DTNB: variants seen among roughly 807,000 people sequenced by gnomAD.
DTNB encodes the protein dystrobrevin beta, also known as DTN-B.
A neutral mutation model predicts 90.7 loss-of-function variants in DTNB; 63 were observed. The observed-to-expected ratio is 0.69, with a 90% CI of 0.57 to 0.86. The LOEUF is 0.86. Ranked by LOEUF, DTNB falls within the 40% of genes least tolerant of loss-of-function variation. The pLI, the probability that DTNB is intolerant of heterozygous loss-of-function variation, is 0.00. For missense variants in DTNB, 744 were observed against 807.1 expected, an observed-to-expected ratio of 0.92 and a Z score of 0.95; for synonymous variants, 277 against 286.7, an observed-to-expected ratio of 0.97 and a Z score of 0.34.
At chr2:25,398,234 T>A (rs1179268558) in intron 16 of DTNB, among the ~76,000 whole-genome samples, 1 of 152,246 alleles carries the variant, frequency 6.6e-6, no homozygotes, top group Non-Finnish European at 1.5e-5. Flanking sequence ...AATCAGACCC[T>A]CTTCCTGGGA....
chr2:25,403,076 G>C (rs1025609231), intron 16 of DTNB, among the ~76,000 whole-genome samples: 1 of 152,180 alleles, frequency 6.6e-6, no homozygotes, highest in Non-Finnish European at 1.5e-5. Context: ...CTTTCTGTTT[G>C]TTTCTCCCAG....
At chr2:25,585,680 CAACATAGAAATATTTACCCATTGCCTT>C (rs1253865562) in intron 6 of DTNB, among the ~76,000 whole-genome samples, 1 of 152,172 alleles carries the variant, frequency 6.6e-6, no homozygotes, top group East Asian at 1.9e-4. Flanking sequence ...CTATAATGTG[CAACATAGAAATATTTACCCATTGCCTT>C]ATCATTTAAA....
rs1329802892 is a variant in DTNB at position 25,427,534 on chromosome 2, C to G, written c.1554+1G>C. Reference sequence around the variant, plus strand: ...ACTGAGCGTGGGCCACGGGCTCTTACCTTCAGCAACTTCATCAGCTCTTCC... The same window carrying G: ...ACTGAGCGTGGGCCACGGGCTCTTAGCTTCAGCAACTTCATCAGCTCTTCC... On this transcript the variant is annotated splice_donor_variant, in intron 15 of 20. Transcript: ENST00000406818. LOFTEE classifies it high-confidence loss of function. 1 of 1,613,616 alleles carries G rather than the reference C, an allele frequency of 6.2e-7. No individual in the cohort carries two copies.
chr2:25,642,402 G>T (rs888194826), intron 2 of DTNB, among the ~76,000 whole-genome samples: 1 of 148,518 alleles, frequency 6.7e-6, no homozygotes, highest in African/African-American at 2.4e-5. Context: ...AATCTCCAGT[G>T]AGAAACCCTG....
intron 10 of DTNB, among the ~76,000 whole-genome samples, chr2:25,460,413 T>C (rs577387490): frequency 2.1e-4 from 32 of 152,194 alleles, no homozygotes; most frequent in African/African-American, 7.7e-4. Context: ...GTCACCAATA[T>C]TATCAGTGTT....
chr2:25,527,251 C>T (rs770208007), intron 9 of DTNB, among the ~76,000 whole-genome samples: 17 of 152,224 alleles, frequency 1.1e-4, no homozygotes, highest in Non-Finnish European at 1.2e-4. Flanking sequence ...AGTCTGGGCA[C>T]GGTGGTTCAC....
At chr2:25,488,243 G>C (rs984011875) in intron 9 of DTNB, among the ~76,000 whole-genome samples, 69 of 152,256 alleles carry the variant, frequency 4.5e-4, no homozygotes, top group African/African-American at 1.5e-3. Flanking sequence ...TCAAGATGGG[G>C]GCAAGAGAAA....
intron 2 of DTNB, among the ~76,000 whole-genome samples, chr2:25,642,340 T>C (rs1390943358): frequency 1.3e-5 from 2 of 152,106 alleles, no homozygotes; most frequent in South Asian, 2.1e-4. Flanking sequence ...CCTGGCACTA[T>C]GCTCAATGTA....
At chr2:25,471,332 A>G (rs2062767310) in intron 10 of DTNB, among the ~76,000 whole-genome samples, 1 of 151,418 alleles carries the variant, frequency 6.6e-6, no homozygotes, top group Non-Finnish European at 1.5e-5. Context: ...AGCAGTCGTG[A>G]TGCTATCTAA....
chr2:25,466,078 T>C (rs1434452935), intron 10 of DTNB, among the ~76,000 whole-genome samples: 1 of 152,202 alleles, frequency 6.6e-6, no homozygotes, highest in Admixed American at 6.5e-5. Context: ...CTCACGCTTG[T>C]AATCCCAGCA....
intron 9 of DTNB, chr2:25,497,617 T>G (rs576028363): frequency 6.6e-6 from 1 of 152,318 alleles, no homozygotes; most frequent in South Asian, 2.1e-4. Flanking sequence ...AGCTCCTTAA[T>G]TCATAAAGGC....
chr2:25,532,523 T>C (rs1404451704), intron 8 of DTNB, among the ~76,000 whole-genome samples: 1 of 152,190 alleles, frequency 6.6e-6, no homozygotes, highest in African/African-American at 2.4e-5. Flanking sequence ...TTCTGGAAGG[T>C]AGAATAATAT....
At chr2:25,433,061 C>G in intron 13 of DTNB, 62 bp from the exon 14 acceptor site, 1 of 1,468,198 alleles carries the variant, frequency 6.8e-7, no homozygotes, top group Non-Finnish European at 9.1e-7. Flanking sequence ...CTCCCTCTTT[C>G]CCTATTACAA....
At chr2:25,658,077 C>T (rs932503179) in intron 1 of DTNB, among the ~76,000 whole-genome samples, 7 of 151,758 alleles carry the variant, frequency 4.6e-5, no homozygotes, top group Non-Finnish European at 7.4e-5. Flanking sequence ...GCTAACATGG[C>T]GAAACCCTGT....
At chr2:25,525,845 G>A (rs2076984336) in intron 9 of DTNB, among the ~76,000 whole-genome samples, 1 of 152,082 alleles carries the variant, frequency 6.6e-6, no homozygotes, top group Non-Finnish European at 1.5e-5. Context: ...GCCACAGAAA[G>A]GCCTGGAACC....
At chr2:25,506,149 TG>T (rs1558802630) in intron 9 of DTNB, among the ~76,000 whole-genome samples, 3 of 151,810 alleles carry the variant, frequency 2.0e-5, no homozygotes, top group Non-Finnish European at 4.4e-5. Context: ...TGTGTGAGGG[TG>T]GGGAAGGATG....
intron 8 of DTNB, among the ~76,000 whole-genome samples, chr2:25,551,354 A>T (rs989946173): frequency 6.6e-6 from 1 of 152,060 alleles, no homozygotes; most frequent in African/African-American, 2.4e-5. Context: ...TTGATATTTC[A>T]TATGTTCATA....
intron 16 of DTNB, among the ~76,000 whole-genome samples, chr2:25,413,638 G>C (rs2047169132): frequency 1.3e-5 from 2 of 152,056 alleles, no homozygotes; most frequent in African/African-American, 4.8e-5. Flanking sequence ...GTGTATATGT[G>C]CCACATTTTC....
Position 25,540,980 on chromosome 2 carries a change from T to C in DTNB, c.877-9383A>G, listed in dbSNP as rs531640192. Among the ~76,000 whole-genome samples, 4 of 150,846 alleles carry C rather than the reference T, an allele frequency of 2.7e-5. No individual in the cohort carries two copies. The East Asian group carries it at 7.8e-4, about 29-fold the overall frequency. On this transcript the variant is annotated intron_variant, in intron 8 of 20. Transcript: ENST00000406818. ...TGTCTGCTGACCTTCCCTCCACTAT[T>C]GTCCTATGACCCTGCCAAATCTCCC... is the stretch of plus-strand genomic sequence containing the variant.
Sources: gnomAD v4.1 joint callset for allele counts (sites outside exome capture counted in the v4.1 genomes callset) on GRCh38, gnomAD v4.1.1 for gene constraint, MANE v1.5 for transcripts, NCBI Gene and HGNC (gene_info 2026-07-23, HGNC 2026-07-21) for gene names.